PNMA1: variants seen among roughly 807,000 people sequenced by gnomAD.
The protein encoded by PNMA1 is PNMA family member 1.
A neutral mutation model predicts 26.1 loss-of-function variants in PNMA1; 21 were observed. The ratio of observed to expected loss-of-function variants is 0.80; its 90% CI spans 0.57 to 1.16. The LOEUF (loss-of-function observed/expected upper bound fraction) is 1.16. Among genes scored for constraint, PNMA1 ranks in the 50% most tolerant of loss-of-function variants. The pLI is 0.00. For missense variants in PNMA1, 435 were observed against 437.3 expected, an observed-to-expected ratio of 0.99 and a Z score of 0.05; for synonymous variants, 189 against 177.3, an observed-to-expected ratio of 1.07 and a Z score of -0.52.
chr14:73,713,604 C>A lies in PNMA1; in HGVS notation c.36G>T (p.Gly12=), dbSNP rs958355873. ...GAGCTCTCTGGGAGTTCACATCCAT[C>A]CCCCGGCACCAGTCTTCCAACAGTG... ...AMTLLEDWCR[G]MDVNSQRALL... Residue 12 remains glycine, a synonymous_variant, in exon 1 of 1, where the codon GGG becomes GGT. Coordinates refer to ENST00000316836, the MANE Select transcript of PNMA1 (RefSeq NM_006029.5). The A allele has an allele frequency of 6.2e-7, 1 of 1,609,526 alleles. No homozygotes were observed. Among genetic ancestry groups the A allele is most frequent in the South Asian group, 1.1e-5 (1 of 90,848 alleles).
In PNMA1 at chr14:73,713,838, C is replaced by T. The variant is rs1358659215; in HGVS notation, c.-199G>A. On this transcript the variant is annotated 5_prime_UTR_variant, in exon 1 of 1. Coordinates refer to ENST00000316836, the MANE Select transcript of PNMA1 (RefSeq NM_006029.5). ...GTCCGTAGGTGCACTCGGAGCCGAG[C>T]TCGGGGACGCTGAGGCAGTCACGCG... is the stretch of plus-strand genomic sequence containing the variant. 4 of 494,944 alleles carry T rather than the reference C, an allele frequency of 8.1e-6. No individual in the cohort carries two copies. The highest frequency in any genetic ancestry group is 8.8e-5 in the South Asian group (2 of 22,694). The allele number at this position is 494,944 out of a possible 1,614,324, so 30.7% of individuals were successfully genotyped here. A position where few individuals can be genotyped will look rare whatever the true frequency, so the allele number is the denominator to read the frequency against.
In PNMA1 at chr14:73,712,632, C is replaced by G; in HGVS notation, c.1008G>C (p.Glu336Asp). ...GAAGGGTGGCCTCAGCCTCCTCCTC[C>G]TCCTCCTTGGCTTCCTCCTCACGGA... ...VQIREEEAKE[E>D]EEEAEATLLQ... Residue 336 changes from glutamate (E) to aspartate (D), a missense_variant, in exon 1 of 1, where the codon GAG becomes GAC. Transcript: ENST00000316836. 2 of 1,613,440 alleles carry G rather than the reference C, an allele frequency of 1.2e-6. No homozygotes were observed.
chr14:73,712,607 G>A lies in PNMA1; in HGVS notation c.1033C>T (p.Leu345=). Residue 345 remains leucine (L), a synonymous_variant, in exon 1 of 1, where the codon CTG becomes TTG. Coordinates refer to ENST00000316836, the MANE Select transcript of PNMA1 (RefSeq NM_006029.5). ...AAGTGCCCTTCCAGGCCTAACTGCA[G>A]AAGGGTGGCCTCAGCCTCCTCCTCC... The part of the protein sequence containing the change: ...EEEEEAEATL[L]QLGLEGHF 2 of 1,610,332 alleles carry A rather than the reference G, an allele frequency of 1.2e-6. No individual in the cohort carries two copies. The highest frequency in any genetic ancestry group is 8.5e-7 in the Non-Finnish European group (1 of 1,178,228).
In PNMA1 at chr14:73,714,232, G is replaced by A. The variant is rs1231584665; in HGVS notation, c.-593C>T. The A allele has an allele frequency of 6.0e-6, 1 of 167,096 alleles. No individual in the cohort carries two copies. Among genetic ancestry groups the A allele is most frequent in the Non-Finnish European group, 1.5e-5 (1 of 68,476 alleles). The allele number at this position is 167,096 out of a possible 1,614,324, so 10.4% of individuals were successfully genotyped here. On this transcript the variant is annotated 5_prime_UTR_variant, in exon 1 of 1. Coordinates refer to ENST00000316836, the MANE Select transcript of PNMA1 (RefSeq NM_006029.5). ...AGGACGGCCGAGGACCAGAAACGAA[G>A]GCAGCAGAGGAGCAGGAAAGTCGGA...
Position 73,713,082 on chromosome 14 carries a change from C to T in PNMA1, c.558G>A (p.Glu186=). 6.2e-7 allele frequency: 1 copy of T among 1,613,986 alleles called. No individual in the cohort carries two copies. Among genetic ancestry groups the T allele is most frequent in the Non-Finnish European group, 8.5e-7 (1 of 1,179,928 alleles). The stretch of plus-strand genomic sequence containing the variant: ...CGGACACCTGCCACTCCTCTAGGAC[C>T]TCATTAGTGTGCTCCAGCCAGGGAT... The part of the protein sequence containing the change: ...TFDPWLEHTN[E]VLEEWQVSDV... Residue 186 remains glutamate (E), a synonymous_variant, in exon 1 of 1, where the codon GAG becomes GAA. Transcript: ENST00000316836.
chr14:73,713,507 G>A lies in PNMA1; in HGVS notation c.133C>T (p.Gln45Ter). ...IEETLQAAMP[Q>*]VSYRMLGRMF... ...CTCCCAAGCATTCGGTAGGAGACCT[G>A]GGGCATCGCAGCCTGGAGGGTCTCT... The change falls in exon 1 of 1, where the codon CAG becomes TAG. Residue 45 changes from glutamine (Q) to a stop codon, truncating the protein, a stop_gained. Coordinates refer to ENST00000316836, the MANE Select transcript of PNMA1 (RefSeq NM_006029.5). LOFTEE classifies it high-confidence loss of function. 1.2e-6 allele frequency: 2 copies of A among 1,614,162 alleles called. No homozygotes were observed. The highest frequency in any genetic ancestry group is 1.7e-6 in the Non-Finnish European group (2 of 1,180,026).
In PNMA1 at chr14:73,713,506, T is replaced by G. The variant is rs1439943531; in HGVS notation, c.134A>C (p.Gln45Pro). The part of the protein sequence containing the change: ...IEETLQAAMP[Q>P]VSYRMLGRMF... ...TCTCCCAAGCATTCGGTAGGAGACC[T>G]GGGGCATCGCAGCCTGGAGGGTCTC... is the stretch of plus-strand genomic sequence containing the variant. The change falls in exon 1 of 1, where the codon CAG becomes CCG. Residue 45 changes from glutamine (Q) to proline (P), a missense_variant. Physicochemically the swap from Gln to Pro is moderately conservative, Grantham distance 76 (BLOSUM62 -1). Transcript: ENST00000316836. 1.9e-6 allele frequency: 3 copies of G among 1,614,200 alleles called. No homozygotes were observed. The highest frequency in any genetic ancestry group is 1.7e-5 in the Admixed American group (1 of 60,020).
rs1259638953 is a variant in PNMA1, at chr14:73,712,750, C to T, written c.890G>A (p.Gly297Glu). 6.2e-7 allele frequency: 1 copy of T among 1,614,082 alleles called. No homozygotes were observed. Among genetic ancestry groups the T allele is most frequent in the Non-Finnish European group, 8.5e-7 (1 of 1,180,046 alleles). Residue 297 changes from glycine (G) to glutamate (E), a missense_variant, in exon 1 of 1, where the codon GGG becomes GAG. Transcript: ENST00000316836. ...NQARLEQVIA[G>E]ANHSGAIRRQ... ...TCGGATGGCCCCGCTGTGGTTGGCC[C>T]CGGCAATGACCTGCTCTAGGCGGGC...
chr14:73,713,401 TC>T lies in PNMA1; in HGVS notation c.238del (p.Glu80ArgfsTer23). 6.2e-7 allele frequency: 1 copy of T among 1,614,148 alleles called. No homozygotes were observed. Among genetic ancestry groups the T allele is most frequent in the Non-Finnish European group, 8.5e-7 (1 of 1,180,028 alleles). The stretch of plus-strand genomic sequence containing the variant: ...CCAGACCCCTCCTTTGCCCGGCATC[TC>T]CCTGGGGATCGCGGCGTAATCTACA... The part of the protein sequence containing the change: ...GAVDYAAIPR[E>X]MPGKGGVWKV... On this transcript the variant is annotated frameshift_variant, in exon 1 of 1. Coordinates refer to ENST00000316836, the MANE Select transcript of PNMA1 (RefSeq NM_006029.5). LOFTEE classifies it high-confidence loss of function.
chr14:73,712,468 A>G lies in PNMA1; in HGVS notation c.*110T>C. On this transcript the variant is annotated 3_prime_UTR_variant, in exon 1 of 1. Coordinates refer to ENST00000316836, the MANE Select transcript of PNMA1 (RefSeq NM_006029.5). ...AACCTTCCCCTCCAAAAAACAACAAAACAGAACAAGGCTAAGCCTTTACTA... is the reference window on the plus strand; with the variant it reads ...AACCTTCCCCTCCAAAAAACAACAAGACAGAACAAGGCTAAGCCTTTACTA... The G allele has an allele frequency of 1.3e-6, 1 of 785,364 alleles. No homozygotes were observed. The highest frequency in any genetic ancestry group is 2.1e-6 in the Non-Finnish European group (1 of 487,150). 48.6% of individuals were successfully genotyped at this position (785,364 alleles called of 1,614,324 possible). A position where few individuals can be genotyped will look rare whatever the true frequency, so the allele number is the denominator to read the frequency against.
At position 73,713,121 on chromosome 14, in the gene PNMA1, T is replaced by C. The variant is rs1391268211; in HGVS notation, c.519A>G (p.Gly173=). The change falls in exon 1 of 1, where the codon GGA becomes GGG. Residue 173 remains glycine (G), a synonymous_variant. Coordinates refer to ENST00000316836, the MANE Select transcript of PNMA1 (RefSeq NM_006029.5). ...LFSGRDIPGP[G]EETFDPWLEH... is the part of the protein sequence containing the mutation. ...CCAGCCAGGGATCAAAGGTTTCCTC[T>C]CCAGGCCCTGGGATGTCCCTCCCCG... 3 of 1,612,634 alleles carry C rather than the reference T, an allele frequency of 1.9e-6. No individual in the cohort carries two copies. The South Asian group carries it at 3.3e-5, about 18-fold the overall frequency.
rs573795378 is a variant in PNMA1 at position 73,713,875 on chromosome 14, C to T, written c.-236G>A. The stretch of plus-strand genomic sequence containing the variant: ...GAGGCAGTCACGCGGCCGTCGCCAT[C>T]TTGCGTCTGGGTCTGGGTCCGGTCG... On this transcript the variant is annotated 5_prime_UTR_variant, in exon 1 of 1. Transcript: ENST00000316836. The T allele has an allele frequency of 2.3e-6, 1 of 442,648 alleles. No individual in the cohort carries two copies. Among genetic ancestry groups the T allele is most frequent in the Non-Finnish European group, 4.1e-6 (1 of 246,892 alleles). 27.4% of individuals were successfully genotyped at this position (442,648 alleles called of 1,614,324 possible).
rs764897409 is a variant in PNMA1 at position 73,712,975 on chromosome 14, G to T, written c.665C>A (p.Pro222His). 1 of 1,614,178 alleles carries T rather than the reference G, an allele frequency of 6.2e-7. No individual in the cohort carries two copies. The highest frequency in any genetic ancestry group is 8.5e-7 in the Non-Finnish European group (1 of 1,180,052). Residue 222 changes from proline (P) to histidine (H), a missense_variant, in exon 1 of 1, where the codon CCC becomes CAC. Coordinates refer to ENST00000316836, the MANE Select transcript of PNMA1 (RefSeq NM_006029.5). ...DVIRILKSNN[P>H]AITTAECLKA... The stretch of plus-strand genomic sequence containing the variant: ...CAGGCATTCGGCAGTGGTTATCGCG[G>T]GGTTGTTGGACTTAAGGATGCGAAT...
In PNMA1 at chr14:73,711,915, T is replaced by C. The variant is rs767532841; in HGVS notation, c.*663A>G. 6.6e-6 allele frequency: 1 copy of C among 152,256 alleles called. No homozygotes were observed. The highest frequency in any genetic ancestry group is 1.5e-5 in the Non-Finnish European group (1 of 68,064). 9.4% of individuals were successfully genotyped at this position (152,256 alleles called of 1,614,324 possible). ...GTACAGGTGCATATCAACCTCTCCA[T>C]GCAATTTACATCTGTATCTTATGCA... On this transcript the variant is annotated 3_prime_UTR_variant, in exon 1 of 1. Coordinates refer to ENST00000316836, the MANE Select transcript of PNMA1 (RefSeq NM_006029.5).
In PNMA1 at chr14:73,713,253, AG is replaced by A; in HGVS notation, c.386del (p.Thr129IlefsTer13). On this transcript the variant is annotated frameshift_variant, in exon 1 of 1. Transcript: ENST00000316836. LOFTEE classifies it high-confidence loss of function. ...VARVLGFQNPTPTPGPEMPAE... is the reference protein window; with the variant it reads ...VARVLGFQNPXPTPGPEMPAE... ...CTGGCATCTCTGGGCCCGGGGTCGG[AG>A]TAGGGTTCTGAAACCCAAGGACACG... The A allele has an allele frequency of 6.2e-7, 1 of 1,614,186 alleles. No homozygotes were observed. Among genetic ancestry groups the A allele is most frequent in the Non-Finnish European group, 8.5e-7 (1 of 1,180,038 alleles).
At position 73,713,506 on chromosome 14, in the gene PNMA1, T is replaced by A; in HGVS notation, c.134A>T (p.Gln45Leu). The A allele has an allele frequency of 1.2e-6, 2 of 1,614,200 alleles. No individual in the cohort carries two copies. Among genetic ancestry groups the A allele is most frequent in the Middle Eastern group, 3.3e-4 (2 of 6,060 alleles). The change falls in exon 1 of 1, where the codon CAG becomes CTG. Residue 45 changes from glutamine to leucine, a missense_variant. By Grantham distance (113) the Gln-to-Leu change is moderately radical. Coordinates refer to ENST00000316836, the MANE Select transcript of PNMA1 (RefSeq NM_006029.5). ...IEETLQAAMP[Q>L]VSYRMLGRMF... ...TCTCCCAAGCATTCGGTAGGAGACC[T>A]GGGGCATCGCAGCCTGGAGGGTCTC...
In PNMA1 at chr14:73,713,257, G is replaced by C. The variant is rs2052836172; in HGVS notation, c.383C>G (p.Pro128Arg). 6.2e-7 allele frequency: 1 copy of C among 1,614,046 alleles called. No individual in the cohort carries two copies. ...CATCTCTGGGCCCGGGGTCGGAGTA[G>C]GGTTCTGAAACCCAAGGACACGGGC... Reference protein sequence around the residue: ...DVARVLGFQNPTPTPGPEMPA... With the variant: ...DVARVLGFQNRTPTPGPEMPA... The change falls in exon 1 of 1, where the codon CCT becomes CGT. Residue 128 changes from proline to arginine, a missense_variant. By Grantham distance (103) the Pro-to-Arg change is moderately radical. Transcript: ENST00000316836.
chr14:73,712,724 T>C lies in PNMA1; in HGVS notation c.916A>G (p.Arg306Gly). 1 of 1,614,198 alleles carries C rather than the reference T, an allele frequency of 6.2e-7. No individual in the cohort carries two copies. The change falls in exon 1 of 1, where the codon AGG (arginine) becomes GGG (glycine). Residue 306 changes from arginine (R) to glycine (G), a missense_variant. Arg to Gly is a moderately radical substitution (Grantham distance 125). Coordinates refer to ENST00000316836, the MANE Select transcript of PNMA1 (RefSeq NM_006029.5). ...CCAGCCCCGGTAAGCCACAGCTGCC[T>C]TCGGATGGCCCCGCTGTGGTTGGCC... Reference protein sequence around the residue: ...AGANHSGAIRRQLWLTGAGEG... With the variant: ...AGANHSGAIRGQLWLTGAGEG...
chr14:73,713,034 C>A lies in PNMA1; in HGVS notation c.606G>T (p.Leu202Phe). 1.2e-6 allele frequency: 2 copies of A among 1,613,930 alleles called. No homozygotes were observed. Among genetic ancestry groups the A allele is most frequent in the Non-Finnish European group, 1.7e-6 (2 of 1,180,014 alleles). Residue 202 changes from leucine (L) to phenylalanine (F), a missense_variant, in exon 1 of 1, where the codon TTG becomes TTT. Leu to Phe is a conservative substitution (Grantham distance 22). Transcript: ENST00000316836. Reference protein sequence around the residue: ...QVSDVEKRRRLMESLRGPAAD... With the variant: ...QVSDVEKRRRFMESLRGPAAD... ...CGGCGGGGCCTCTAAGACTCTCCAT[C>A]AACCGCCGCCTCTTTTCTACATCGG...
Sources: gnomAD v4.1 joint callset for allele counts on GRCh38, gnomAD v4.1.1 for gene constraint, MANE v1.5 for transcripts, NCBI Gene and HGNC (gene_info 2026-07-23, HGNC 2026-07-21) for gene names.